CD3G: variants seen among roughly 807,000 people sequenced by gnomAD.
CD3G encodes T-cell surface glycoprotein CD3 gamma chain.
In CD3G, 24 loss-of-function variants were observed where a neutral mutation model predicts 28.3. The ratio of observed to expected loss-of-function variants is 0.85; its 90% CI spans 0.61 to 1.19. CD3G has a LOEUF of 1.19. CD3G is among the 50% of genes most tolerant of loss of function. The probability of loss-of-function intolerance (pLI) is 0.00; values close to 1 mark genes in which losing one functional copy is unlikely to be tolerated. For synonymous variants in CD3G, 71 were observed against 75.9 expected, an observed-to-expected ratio of 0.93 and a Z score of 0.34; for missense variants, 211 against 210.0, an observed-to-expected ratio of 1.00 and a Z score of -0.03.
Position 118,349,979 on chromosome 11 carries a change from T to C in CD3G, c.307+9T>C. The C allele has an allele frequency of 6.3e-7, 1 of 1,599,484 alleles. No individual in the cohort carries two copies. Among genetic ancestry groups the C allele is most frequent in the Admixed American group, 1.7e-5 (1 of 60,014 alleles). ...CCAAGTGTATTACAGAAGTATGTAA[T>C]CCCCTTTGGTCTGTTTGTTGTGAAA... On this transcript the variant is annotated intron_variant, in intron 3 of 6. Coordinates refer to ENST00000532917, the MANE Select transcript of CD3G (RefSeq NM_000073.3).
chr11:118,349,392 C>T, intron 2 of CD3G: 2 of 913,168 alleles, frequency 2.2e-6, no homozygotes, highest in Non-Finnish European at 1.5e-6. Context: ...CTATTCTACC[C>T]AAAGTGATCT....
chr11:118,349,686 G>A, intron 2 of CD3G, 57 bp from the exon 3 acceptor site: 2 of 1,276,398 alleles, frequency 1.6e-6, no homozygotes, highest in Admixed American at 1.7e-5. Context: ...GTATGCAGAA[G>A]CAGGGAGAAT....
intron 1 of CD3G, 31 bp from the exon 2 acceptor site, chr11:118,348,996 C>T (rs763178821): frequency 1.9e-6 from 3 of 1,613,664 alleles, no homozygotes; most frequent in Non-Finnish European, 2.5e-6. Context: ...CCATGCCCAG[C>T]TAATACTCTA....
intron 2 of CD3G, 82 bp downstream of exon 2, chr11:118,349,132 G>A: frequency 6.2e-7 from 1 of 1,613,458 alleles, no homozygotes; most frequent in Non-Finnish European, 8.5e-7. Flanking sequence ...TCCTACAGGA[G>A]CGAACAGTTT....
At chr11:118,350,469 C>T in intron 3 of CD3G, 83 bp from the exon 4 acceptor site, 2 of 975,130 alleles carry the variant, frequency 2.1e-6, no homozygotes, top group Non-Finnish European at 3.3e-6. Flanking sequence ...TCCACAGCGG[C>T]ATTATTGCAG....
chr11:118,352,623 G>C, intron 6 of CD3G, 136 bp downstream of exon 6: 1 of 717,132 alleles, frequency 1.4e-6, no homozygotes. Flanking sequence ...CGTGGTTTGG[G>C]GTACTCTTTT....
At chr11:118,350,240 G>C in intron 3 of CD3G, 1 of 570,526 alleles carries the variant, frequency 1.8e-6, no homozygotes, top group Middle Eastern at 4.7e-4. Context: ...AAGGGGTTGG[G>C]GAGACAGAGG....
intron 1 of CD3G, 132 bp downstream of exon 1, chr11:118,344,610 C>A: frequency 1.3e-6 from 1 of 766,164 alleles, no homozygotes. Flanking sequence ...CAAAGAAGGG[C>A]AAAATGGAGG....
intron 1 of CD3G, among the ~76,000 whole-genome samples, chr11:118,346,418 C>A (rs1458374509): frequency 1.3e-5 from 2 of 151,544 alleles, no homozygotes; most frequent in African/African-American, 2.4e-5. Context: ...GCCTGGGCGA[C>A]AGAGTGAGAC....
At chr11:118,351,203 A>AG (rs989023100) in intron 4 of CD3G, among the ~76,000 whole-genome samples, 3 of 150,870 alleles carry the variant, frequency 2.0e-5, no homozygotes, top group African/African-American at 7.4e-5. Context: ...AAAAAAAAAA[A>AG]AAACTATTTT....
intron 6 of CD3G, among the ~76,000 whole-genome samples, chr11:118,352,812 AT>A (rs1948421808): frequency 6.6e-6 from 1 of 152,176 alleles, no homozygotes; most frequent in Non-Finnish European, 1.5e-5. Context: ...ATTATTTGTG[AT>A]GAGGGGCTAG....
At position 118,350,650 on chromosome 11, in the gene CD3G, A is replaced by G. The variant is rs1948399233; in HGVS notation, c.406A>G (p.Ile136Val). ...IFVLAVGVYF[I>V]AGQDGVRQSR... ...CGTCCTTGCTGTTGGGGTCTACTTC[A>G]TTGCTGGACAGGATGGAGTTCGCCA... Residue 136 changes from isoleucine (I) to valine (V), a missense_variant, in exon 4 of 7, where the codon ATT becomes GTT. Transcript: ENST00000532917. 6 of 1,613,874 alleles carry G rather than the reference A, an allele frequency of 3.7e-6. No homozygotes were observed. Among genetic ancestry groups the G allele is most frequent in the Non-Finnish European group, 5.1e-6 (6 of 1,179,954 alleles).
intron 1 of CD3G, among the ~76,000 whole-genome samples, chr11:118,347,450 T>C (rs1296498165): frequency 1.3e-5 from 2 of 152,240 alleles, no homozygotes; most frequent in Non-Finnish European, 2.9e-5. Flanking sequence ...TCATAAACTT[T>C]GGAAGCAGCA....
chr11:118,347,589 C>T (rs989560509), intron 1 of CD3G, among the ~76,000 whole-genome samples: 1 of 152,102 alleles, frequency 6.6e-6, no homozygotes, highest in African/African-American at 2.4e-5. Context: ...TGTAATATGT[C>T]TACCATGCAA....
chr11:118,344,721 G>A (rs1430003883), intron 1 of CD3G, among the ~76,000 whole-genome samples: 1 of 152,242 alleles, frequency 6.6e-6, no homozygotes, highest in Non-Finnish European at 1.5e-5. Flanking sequence ...GCTGAAGAGA[G>A]GACCCTGTTA....
chr11:118,350,522 C>T, intron 3 of CD3G, 30 bp from the exon 4 acceptor site: 1 of 1,562,012 alleles, frequency 6.4e-7, no homozygotes, highest in African/African-American at 1.4e-5. Flanking sequence ...CTTTCGCAAC[C>T]TGAAGGTTTG....
chr11:118,350,807 GC>G, intron 4 of CD3G, 124 bp downstream of exon 4: 1 of 1,560,724 alleles, frequency 6.4e-7, no homozygotes, highest in Non-Finnish European at 8.6e-7. Flanking sequence ...GTTGGGTGAG[GC>G]TGTATTTCTC....
intron 4 of CD3G, chr11:118,350,904 C>CAAAAAAA: frequency 3.5e-6 from 3 of 862,280 alleles, no homozygotes; most frequent in Admixed American, 4.3e-5. Context: ...AAAAAAAAAA[C>CAAAAAAA]AAAAACAGGC....
chr11:118,352,559 G>T (rs1173370436), intron 6 of CD3G, 72 bp downstream of exon 6: 1 of 1,026,412 alleles, frequency 9.7e-7, no homozygotes, highest in Admixed American at 1.7e-5. Flanking sequence ...TCTAAGTCTA[G>T]CTCCCTTCCC....
Sources: allele counts gnomAD v4.1 joint callset (sites outside exome capture counted in the v4.1 genomes callset), GRCh38; gene constraint gnomAD v4.1.1; transcripts MANE v1.5; gene names NCBI Gene and HGNC (gene_info 2026-07-23, HGNC 2026-07-21).